NDRG3: variants seen among roughly 807,000 people sequenced by gnomAD.
NDRG3 encodes NDRG family member 3.
NDRG3 carries 23 observed loss-of-function variants against 57.2 expected under a neutral mutation model. The ratio of observed to expected loss-of-function variants is 0.40; its 90% confidence interval spans 0.29 to 0.57. NDRG3 has a LOEUF of 0.57. Ranked by LOEUF, NDRG3 falls within the 20% of genes least tolerant of loss-of-function variation. NDRG3 has a pLI of 0.42. For synonymous variants in NDRG3, 132 were observed against 162.6 expected (o/e 0.81, Z 1.43); for missense variants, 384 against 457.3 (o/e 0.84, Z 1.46).
At chr20:36,708,086 A>G (rs559771487) in intron 2 of NDRG3, among the ~76,000 whole-genome samples, 32 of 152,090 alleles carry the variant, frequency 2.1e-4, no homozygotes, top group Non-Finnish European at 4.4e-4. Flanking sequence ...TCCATTTCAA[A>G]AAAAGGAAAA....
intron 9 of NDRG3, among the ~76,000 whole-genome samples, chr20:36,666,932 C>T (rs1979684735): frequency 6.6e-6 from 1 of 152,236 alleles, no homozygotes; most frequent in South Asian, 2.1e-4. Context: ...CTCCCGGGTT[C>T]AAGCAATTCT....
intron 12 of NDRG3, among the ~76,000 whole-genome samples, chr20:36,663,969 C>G (rs1480589662): frequency 6.6e-6 from 1 of 152,050 alleles, no homozygotes; most frequent in East Asian, 1.9e-4. Flanking sequence ...TGCCACTACA[C>G]CCGGCTAATT....
chr20:36,718,845 T>A (rs1984422926), intron 2 of NDRG3, among the ~76,000 whole-genome samples: 1 of 152,060 alleles, frequency 6.6e-6, no homozygotes, highest in African/African-American at 2.4e-5. Flanking sequence ...CACACCTGGA[T>A]CATTTTTTTA....
chr20:36,687,523 G>T lies in NDRG3; in HGVS notation c.289C>A (p.Gln97Lys). 2 of 1,614,002 alleles carry T rather than the reference G, an allele frequency of 1.2e-6. No homozygotes were observed. Among genetic ancestry groups the T allele is most frequent in the Non-Finnish European group, 1.7e-6 (2 of 1,180,018 alleles). Residue 97 changes from glutamine to lysine, a missense_variant, in exon 5 of 16, where the codon CAG becomes AAG. Transcript: ENST00000349004. ...GGGAAAGAGGGTGCACCTTCCTGCT[G>T]GCCTGGGGCATCCACATGACAGACA... ...FAVCHVDAPG[Q>K]QEGAPSFPTG...
chr20:36,698,085 C>T (rs551318643), intron 3 of NDRG3, among the ~76,000 whole-genome samples: 2 of 151,244 alleles, frequency 1.3e-5, no homozygotes, highest in East Asian at 3.9e-4. Flanking sequence ...CCTGCCTTGG[C>T]CTCCTGAGTA....
At chr20:36,674,886 A>ATTTTT (rs34146274) in intron 8 of NDRG3, among the ~76,000 whole-genome samples, 22 of 39,692 alleles carry the variant, frequency 5.5e-4, no homozygotes, top group African/African-American at 1.8e-3. Context: ...GCCCAGCCAG[A>ATTTTT]TTTTTTTTTT....
chr20:36,669,218 G>A (rs551202456), intron 9 of NDRG3, among the ~76,000 whole-genome samples: 5 of 151,054 alleles, frequency 3.3e-5, no homozygotes, highest in East Asian at 2.0e-4. Context: ...CACCACACCC[G>A]GCTAATTTTG....
Position 36,676,637 on chromosome 20 carries a change from A to C in NDRG3, c.531+4179T>G, listed in dbSNP as rs187444252. Among the ~76,000 whole-genome samples, 95 of 152,188 alleles carry C rather than the reference A, an allele frequency of 6.2e-4. 4 individuals are homozygous for C. Among genetic ancestry groups the C allele is most frequent in the Non-Finnish European group, 3.1e-4 (21 of 67,990 alleles). On this transcript the variant is annotated intron_variant, in intron 8 of 15. Transcript: ENST00000349004. The stretch of plus-strand genomic sequence containing the variant: ...ACCACCAGGCCTGGCTAATGTTTTT[A>C]TTTTTAGTAGAAACGGGGTTTCGCC...
intron 2 of NDRG3, among the ~76,000 whole-genome samples, chr20:36,712,388 TTTTTC>T (rs1255590853): frequency 7.0e-6 from 1 of 143,126 alleles, no homozygotes; most frequent in African/African-American, 2.7e-5. Flanking sequence ...TTTCTTTTTC[TTTTTC>T]TTTTTTTTTT....
chr20:36,711,851 C>A lies in NDRG3; in HGVS notation c.58-4844G>T, dbSNP rs569985654. On this transcript the variant is annotated intron_variant, in intron 2 of 15. Transcript: ENST00000349004. ...TGCAGTTGCAGTGGCACGATCTTGGCTCACTGCAAGCTCCGCCTCCTGGGT... is the reference window on the plus strand; with the variant it reads ...TGCAGTTGCAGTGGCACGATCTTGGATCACTGCAAGCTCCGCCTCCTGGGT... Among the ~76,000 whole-genome samples the A allele has an allele frequency of 4.4e-4, 67 of 152,338 alleles. No individual in the cohort carries two copies. In the South Asian group the frequency reaches 6.2e-3, roughly 14 times the overall value.
At chr20:36,742,456 C>T (rs1985968336) in intron 1 of NDRG3, among the ~76,000 whole-genome samples, 1 of 152,144 alleles carries the variant, frequency 6.6e-6, no homozygotes, top group South Asian at 2.1e-4. Context: ...ACCTTTCTTT[C>T]TTAATAGTGC....
rs1303711636 is a variant in NDRG3 at position 36,663,871 on chromosome 20, C to T, written c.810+1175G>A. ...TCTTGCCCAGGCTGGAGTGCAGTGG[C>T]GCAATCTTGGCTCACTGCAGTCTCT... On this transcript the variant is annotated intron_variant, in intron 12 of 15. Coordinates refer to ENST00000349004, the MANE Select transcript of NDRG3 (RefSeq NM_032013.4). 2.0e-5 allele frequency among the ~76,000 whole-genome samples: 3 copies of T among 152,126 alleles called. No homozygotes were observed. The South Asian group carries it at 6.2e-4, about 32-fold the overall frequency.
Position 36,665,301 on chromosome 20 carries a change from T to C in NDRG3, c.693A>G (p.Gly231=), listed in dbSNP as rs921020482. The C allele has an allele frequency of 1.2e-6, 2 of 1,614,150 alleles. No homozygotes were observed. Among genetic ancestry groups the C allele is most frequent in the Admixed American group, 3.3e-5 (2 of 60,012 alleles). The change falls in exon 11 of 16, where the codon GGA becomes GGG. Residue 231 remains glycine (G), a splice_region_variant and synonymous_variant. Coordinates refer to ENST00000349004, the MANE Select transcript of NDRG3 (RefSeq NM_032013.4). Reference sequence around the variant, plus strand: ...GTCTTTCGATCTCCAGGTCTCTGCGTCTAGAAAAACAAAGCAGAAGCAATG... The same window carrying C: ...GTCTTTCGATCTCCAGGTCTCTGCGCCTAGAAAAACAAAGCAGAAGCAATG... The part of the protein sequence containing the change: ...NLQLFLNSYN[G]RRDLEIERPI...
At chr20:36,734,371 G>A (rs770443546) in intron 1 of NDRG3, among the ~76,000 whole-genome samples, 25 of 152,208 alleles carry the variant, frequency 1.6e-4, no homozygotes, top group Non-Finnish European at 2.8e-4. Flanking sequence ...GTGAAAAGAA[G>A]AGAAATTCAG....
At chr20:36,700,412 A>G (rs1983140983) in intron 3 of NDRG3, 1 of 520,864 alleles carries the variant, frequency 1.9e-6, no homozygotes. Context: ...AGAATAAAAA[A>G]CAAAAAGAAA....
At chr20:36,723,383 A>G (rs1158957466) in intron 1 of NDRG3, among the ~76,000 whole-genome samples, 5 of 152,190 alleles carry the variant, frequency 3.3e-5, no homozygotes, top group Non-Finnish European at 5.9e-5. Context: ...ATTCCCACCT[A>G]GACTTCAAAG....
chr20:36,676,550 C>T (rs1028993814), intron 8 of NDRG3, among the ~76,000 whole-genome samples: 3 of 152,168 alleles, frequency 2.0e-5, no homozygotes, highest in African/African-American at 7.2e-5. Context: ...GCAACCTCTG[C>T]CTCCTGGGTT....
intron 2 of NDRG3, among the ~76,000 whole-genome samples, chr20:36,715,446 T>C (rs1423641491): frequency 6.6e-6 from 1 of 151,856 alleles, no homozygotes; most frequent in East Asian, 1.9e-4. Flanking sequence ...TATTCTTTGA[T>C]GAAAATGTCA....
intron 8 of NDRG3, among the ~76,000 whole-genome samples, chr20:36,678,180 A>G (rs1480696610): frequency 6.6e-6 from 1 of 152,230 alleles, no homozygotes; most frequent in African/African-American, 2.4e-5. Flanking sequence ...GGAGTGATTC[A>G]TTCATTTCAT....
Sources: allele counts gnomAD v4.1 joint callset (sites outside exome capture counted in the v4.1 genomes callset), GRCh38; gene constraint gnomAD v4.1.1; transcripts MANE v1.5; gene names NCBI Gene and HGNC (gene_info 2026-07-23, HGNC 2026-07-21).